The following GATC variants were observed in gnomAD, a reference collection of about 807,000 sequenced individuals.
GATC encodes glutamyl-tRNA(Gln) amidotransferase subunit C, mitochondrial.
In GATC, 11 loss-of-function variants were observed where a neutral mutation model predicts 14.4. That is an observed-to-expected ratio of 0.77 (90% CI 0.48 to 1.27). The LOEUF (loss-of-function observed/expected upper bound fraction) is 1.27. Among genes scored for constraint, GATC ranks in the 50% most tolerant of loss-of-function variants. GATC has a pLI of 0.00. For synonymous variants in GATC, 76 were observed against 79.3 expected (o/e 0.96, Z 0.22); for missense variants, 204 against 183.0 (o/e 1.11, Z -0.66).
At position 120,457,168 on chromosome 12, in the gene GATC, T is replaced by C; in HGVS notation, c.347T>C (p.Val116Ala). The C allele has an allele frequency of 6.2e-7, 1 of 1,612,810 alleles. No individual in the cohort carries two copies. Among genetic ancestry groups the C allele is most frequent in the Non-Finnish European group, 8.5e-7 (1 of 1,178,866 alleles). The change falls in exon 3 of 4, where the codon GTG (valine) becomes GCG (alanine). Residue 116 changes from valine (V) to alanine (A), a missense_variant. Physicochemically the swap from Val to Ala is moderately conservative, Grantham distance 64. Transcript: ENST00000551765. ...CATCGCGTCGTGGAGGAGTACTTTG[T>C]GGCCCCCCCAGGTACGTGCTGCCCA... ...NSHRVVEEYF[V>A]APPGNISLPK...
Position 120,446,816 on chromosome 12 carries a change from G to A in GATC, c.241G>A (p.Val81Ile). The A allele has an allele frequency of 6.2e-7, 1 of 1,604,818 alleles. No individual in the cohort carries two copies. The highest frequency in any genetic ancestry group is 8.5e-7 in the Non-Finnish European group (1 of 1,173,434). ...AGACGGGGTGGAGCCCATGGAATCG[G>A]TCCTGGAGGACAGGTAAACTCGCGG... ...DTDGVEPMES[V>I]LEDRCLYLRS... The change falls in exon 2 of 4, where the codon GTC (valine) becomes ATC (isoleucine). Residue 81 changes from valine to isoleucine, a missense_variant. Coordinates refer to ENST00000551765, the MANE Select transcript of GATC (RefSeq NM_176818.3).
intron 2 of GATC, among the ~76,000 whole-genome samples, chr12:120,448,895 C>T (rs1488664288): frequency 6.6e-6 from 1 of 150,688 alleles, no homozygotes; most frequent in African/African-American, 2.4e-5. Flanking sequence ...CCACCCGCCT[C>T]GGCCTCCCAA....
In GATC at chr12:120,446,720, G is replaced by C. The variant is rs370792179; in HGVS notation, c.145G>C (p.Gly49Arg). The C allele has an allele frequency of 1.2e-6, 2 of 1,613,776 alleles. No homozygotes were observed. The highest frequency in any genetic ancestry group is 1.7e-6 in the Non-Finnish European group (2 of 1,180,024). ...GGAGCGTCTAGCGCTTGTGGACTTC[G>C]GCAGCCGCGAGGCAGTGGCGCGACT... Reference protein sequence around the residue: ...HLERLALVDFGSREAVARLEK... With the variant: ...HLERLALVDFRSREAVARLEK... Residue 49 changes from glycine (G) to arginine (R), a missense_variant, in exon 2 of 4, where the codon GGC (glycine) becomes CGC (arginine). Coordinates refer to ENST00000551765, the MANE Select transcript of GATC (RefSeq NM_176818.3).
In GATC at chr12:120,462,644, G is replaced by C. The variant is rs1878382752; in HGVS notation, c.*2685G>C. ...CTTTAGACGTTATCCTCTTGCTCTA[G>C]ATTCCTGGCAAGTCTTGTGATGGTG... On this transcript the variant is annotated 3_prime_UTR_variant, in exon 4 of 4. Coordinates refer to ENST00000551765, the MANE Select transcript of GATC (RefSeq NM_176818.3). 1 of 152,568 alleles carries C rather than the reference G, an allele frequency of 6.6e-6. No individual in the cohort carries two copies. The highest frequency in any genetic ancestry group is 2.4e-5 in the African/African-American group (1 of 41,440). 9.5% of individuals were successfully genotyped at this position (152,568 alleles called of 1,614,324 possible).
chr12:120,455,404 G>GTAATTAATTGCAT lies in GATC; in HGVS notation c.255-1672_255-1671insTAATTAATTGCAT, dbSNP rs1878156731. 2.6e-5 allele frequency among the ~76,000 whole-genome samples: 4 copies of GTAATTAATTGCAT among 152,084 alleles called. No homozygotes were observed. In the South Asian group the frequency reaches 8.3e-4, roughly 32 times the overall value. ...GGCTGGTCTTGAACTCCTGAATTCA[G>GTAATTAATTGCAT]GTGATCCACCCGCCTTAGCCTTCCA... On this transcript the variant is annotated intron_variant, in intron 2 of 3. Coordinates refer to ENST00000551765, the MANE Select transcript of GATC (RefSeq NM_176818.3).
chr12:120,461,102 A>G lies in GATC; in HGVS notation c.*1143A>G, dbSNP rs888615459. ...CCCAATAATATTTATGCTGCTGCTCATTTTTTTAGTTTTCTGAGACAGGGG... is the reference window on the plus strand; with the variant it reads ...CCCAATAATATTTATGCTGCTGCTCGTTTTTTTAGTTTTCTGAGACAGGGG... On this transcript the variant is annotated 3_prime_UTR_variant, in exon 4 of 4. Coordinates refer to ENST00000551765, the MANE Select transcript of GATC (RefSeq NM_176818.3). 3.3e-5 allele frequency: 5 copies of G among 151,368 alleles called. No individual in the cohort carries two copies. Among genetic ancestry groups the G allele is most frequent in the Non-Finnish European group, 7.4e-5 (5 of 67,888 alleles). The allele number at this position is 151,368 out of a possible 1,614,324, so 9.4% of individuals were successfully genotyped here. A position where few individuals can be genotyped will look rare whatever the true frequency, so the allele number is the denominator to read the frequency against.
chr12:120,453,801 G>A (rs1166698401), intron 2 of GATC, among the ~76,000 whole-genome samples: 1 of 150,598 alleles, frequency 6.6e-6, no homozygotes, highest in Admixed American at 6.7e-5. Context: ...AGGCAACACA[G>A]CAAGACCCTG....
At chr12:120,449,682 G>A (rs897570515) in intron 2 of GATC, among the ~76,000 whole-genome samples, 1 of 151,712 alleles carries the variant, frequency 6.6e-6, no homozygotes, top group Non-Finnish European at 1.5e-5. Context: ...CCTGACCTCA[G>A]GTGATCTGCC....
chr12:120,459,034 G>A (rs906091604), intron 3 of GATC, among the ~76,000 whole-genome samples: 3 of 152,076 alleles, frequency 2.0e-5, no homozygotes, highest in African/African-American at 7.2e-5. Flanking sequence ...CTAATTTTTT[G>A]TATTTTTAGT....
At chr12:120,447,920 A>AT (rs1300135720) in intron 2 of GATC, among the ~76,000 whole-genome samples, 2 of 151,484 alleles carry the variant, frequency 1.3e-5, no homozygotes, top group Non-Finnish European at 2.9e-5. Flanking sequence ...GGCCTGGCTA[A>AT]TTTTTTGTAT....
Position 120,458,374 on chromosome 12 carries a change from C to A in GATC, c.358+1195C>A, listed in dbSNP as rs117762614. ...GGGATTACAGGGGTGAGCCACTGCA[C>A]CCCGCCGATATTTCTTAAATTTTAA... On this transcript the variant is annotated intron_variant, in intron 3 of 3. Transcript: ENST00000551765. Among the ~76,000 whole-genome samples, 101 of 152,204 alleles carry A rather than the reference C, an allele frequency of 6.6e-4. 1 individual carries two copies. In the East Asian group the frequency reaches 0.018, roughly 28 times the overall value.
chr12:120,457,525 A>G (rs1181254993), intron 3 of GATC, among the ~76,000 whole-genome samples: 1 of 152,084 alleles, frequency 6.6e-6, no homozygotes, highest in East Asian at 1.9e-4. Flanking sequence ...TCTAGTATTC[A>G]TACCATGAAT....
intron 2 of GATC, among the ~76,000 whole-genome samples, chr12:120,451,160 A>AAAAG (rs1565913155): frequency 7.2e-6 from 1 of 139,472 alleles, no homozygotes. Context: ...AAAAAAAAAA[A>AAAAG]GGTAGACTGG....
intron 2 of GATC, chr12:120,450,738 C>T (rs1266486424): frequency 6.6e-6 from 1 of 152,450 alleles, no homozygotes; most frequent in Non-Finnish European, 1.5e-5. Flanking sequence ...TAATGGTGTA[C>T]TCTTGGGTCA....
intron 3 of GATC, among the ~76,000 whole-genome samples, chr12:120,459,069 C>G (rs767680286): frequency 9.2e-5 from 14 of 152,102 alleles, no homozygotes; most frequent in Non-Finnish European, 1.8e-4. Context: ...ACCGTGTTAG[C>G]CAGGATGGTC....
intron 2 of GATC, among the ~76,000 whole-genome samples, chr12:120,455,325 C>T (rs1183835284): frequency 2.0e-5 from 3 of 152,022 alleles, no homozygotes; most frequent in African/African-American, 2.4e-5. Flanking sequence ...CGTGCCACCA[C>T]GCTTGGCTAG....
chr12:120,456,249 T>G (rs1878181751), intron 2 of GATC, among the ~76,000 whole-genome samples: 1 of 152,128 alleles, frequency 6.6e-6, no homozygotes, highest in South Asian at 2.1e-4. Context: ...CTCTTGTGTG[T>G]TTTTTACCGG....
At position 120,461,571 on chromosome 12, in the gene GATC, T is replaced by C. The variant is rs959028031; in HGVS notation, c.*1612T>C. ...AAATAAAGTTATCTACCCCTGCTCC[T>C]AACTGGGTACAAGTTATGACTACAA... On this transcript the variant is annotated 3_prime_UTR_variant, in exon 4 of 4. Transcript: ENST00000551765. 2 of 152,744 alleles carry C rather than the reference T, an allele frequency of 1.3e-5. No homozygotes were observed. Among genetic ancestry groups the C allele is most frequent in the African/African-American group, 4.8e-5 (2 of 41,454 alleles). 9.5% of individuals were successfully genotyped at this position (152,744 alleles called of 1,614,324 possible). A position where few individuals can be genotyped will look rare whatever the true frequency, so the allele number is the denominator to read the frequency against.
intron 2 of GATC, among the ~76,000 whole-genome samples, chr12:120,453,219 T>C (rs1878097164): frequency 6.6e-6 from 1 of 152,156 alleles, no homozygotes; most frequent in Non-Finnish European, 1.5e-5. Context: ...AGCCACTTTG[T>C]CCTCCCTGTT....
Sources: gnomAD v4.1 joint callset for allele counts (sites outside exome capture counted in the v4.1 genomes callset) on GRCh38, gnomAD v4.1.1 for gene constraint, MANE v1.5 for transcripts, NCBI Gene and HGNC (gene_info 2026-07-23, HGNC 2026-07-21) for gene names.